PTH2: variants seen among roughly 807,000 people sequenced by gnomAD.
The protein encoded by PTH2 is tuberoinfundibular 39 residue protein.
In PTH2, 5 loss-of-function variants were observed where a neutral mutation model predicts 6.2. That is an observed-to-expected ratio of 0.80 (90% CI 0.42 to 1.69). PTH2 has a LOEUF of 1.69. PTH2 is among the 40% of genes most tolerant of loss of function. The pLI, the probability that PTH2 is intolerant of heterozygous loss-of-function variation, is 0.02. For synonymous variants in PTH2, 67 were observed against 73.6 expected (o/e 0.91, Z 0.46); for missense variants, 156 against 142.5 (o/e 1.09, Z -0.48).
In PTH2 at chr19:49,422,614, C is replaced by G; in HGVS notation, c.157G>C (p.Asp53His). 6.9e-7 allele frequency: 1 copy of G among 1,445,540 alleles called. No individual in the cohort carries two copies. Among genetic ancestry groups the G allele is most frequent in the Non-Finnish European group, 9.0e-7 (1 of 1,106,920 alleles). 89.5% of individuals were successfully genotyped at this position (1,445,540 alleles called of 1,614,324 possible). Residue 53 changes from aspartate (D) to histidine (H), a missense_variant, in exon 2 of 2, where the codon GAT becomes CAT. Physicochemically the swap from Asp to His is moderately conservative, Grantham distance 81. Coordinates refer to ENST00000270631, the MANE Select transcript of PTH2 (RefSeq NM_178449.4). ...SLRPPGRAWA[D>H]PATPRPRRSL... ...CTCCGCGGCCTGGGGGTGGCGGGAT[C>G]CGCCCAGGCCCGTCCTGGGGGGCGG... is the stretch of plus-strand genomic sequence containing the variant.
Position 49,423,416 on chromosome 19 carries a change from C to A in PTH2, c.-77G>T, listed in dbSNP as rs1975040410. On this transcript the variant is annotated 5_prime_UTR_variant, in exon 1 of 2. Coordinates refer to ENST00000270631, the MANE Select transcript of PTH2 (RefSeq NM_178449.4). ...ACCCCGGGCCCCACCATGCATCCAC[C>A]CCCAGCTTCCCGCACAGTCCCCTAC... 2 of 1,504,980 alleles carry A rather than the reference C, an allele frequency of 1.3e-6. No individual in the cohort carries two copies. The highest frequency in any genetic ancestry group is 4.1e-5 in the Admixed American group (2 of 49,280). The allele number at this position is 1,504,980 out of a possible 1,614,324, so 93.2% of individuals were successfully genotyped here.
Position 49,422,442 on chromosome 19 carries a change from T to C in PTH2, c.*26A>G, listed in dbSNP as rs1975025520. 3 of 1,585,168 alleles carry C rather than the reference T, an allele frequency of 1.9e-6. No homozygotes were observed. Among genetic ancestry groups the C allele is most frequent in the Non-Finnish European group, 2.6e-6 (3 of 1,168,940 alleles). ...AGTCCGGAGCGCAGGGCATGGTCTT[T>C]ATTAAGATGGGGACGGGCAGCGCGC... On this transcript the variant is annotated 3_prime_UTR_variant, in exon 2 of 2. Transcript: ENST00000270631.
rs773470040 is a variant in PTH2 at position 49,422,432 on chromosome 19, G to T, written c.*36C>A. On this transcript the variant is annotated 3_prime_UTR_variant, in exon 2 of 2. Coordinates refer to ENST00000270631, the MANE Select transcript of PTH2 (RefSeq NM_178449.4). ...AACTAGGCGCAGTCCGGAGCGCAGG[G>T]CATGGTCTTTATTAAGATGGGGACG... The T allele has an allele frequency of 2.5e-6, 4 of 1,578,184 alleles. No homozygotes were observed. The highest frequency in any genetic ancestry group is 3.4e-6 in the Non-Finnish European group (4 of 1,166,136).
At position 49,423,412 on chromosome 19, in the gene PTH2, C is replaced by G; in HGVS notation, c.-73G>C. The G allele has an allele frequency of 1.3e-6, 2 of 1,511,444 alleles. No individual in the cohort carries two copies. Among genetic ancestry groups the G allele is most frequent in the Middle Eastern group, 2.1e-4 (1 of 4,722 alleles). 93.6% of individuals were successfully genotyped at this position (1,511,444 alleles called of 1,614,324 possible). ...CAGAACCCCGGGCCCCACCATGCAT[C>G]CACCCCCAGCTTCCCGCACAGTCCC... On this transcript the variant is annotated 5_prime_UTR_variant, in exon 1 of 2. Transcript: ENST00000270631.
Position 49,422,561 on chromosome 19 carries a change from GGCC to G in PTH2, c.207_209del (p.Ala70del). 1 of 1,591,612 alleles carries G rather than the reference GGCC, an allele frequency of 6.3e-7. No individual in the cohort carries two copies. The highest frequency in any genetic ancestry group is 8.5e-7 in the Non-Finnish European group (1 of 1,171,650). On this transcript the variant is annotated inframe_deletion, in exon 2 of 2. Transcript: ENST00000270631. ...CCAGCAACCGCGCGCGCTCCCGGAA[GGCC>G]GCGTCGTCCGCCAGCGCCAGGCTCC...
chr19:49,422,561 G>T lies in PTH2; in HGVS notation c.210C>A (p.Ala70=). 6.3e-7 allele frequency: 1 copy of T among 1,591,612 alleles called. No individual in the cohort carries two copies. The highest frequency in any genetic ancestry group is 1.1e-5 in the South Asian group (1 of 89,422). The part of the protein sequence containing the change: ...RRSLALADDA[A]FRERARLLAA... ...CCAGCAACCGCGCGCGCTCCCGGAA[G>T]GCCGCGTCGTCCGCCAGCGCCAGGC... The change falls in exon 2 of 2, where the codon GCC becomes GCA. Residue 70 remains alanine, a synonymous_variant. Coordinates refer to ENST00000270631, the MANE Select transcript of PTH2 (RefSeq NM_178449.4).
chr19:49,422,855 C>T lies in PTH2; in HGVS notation c.129-213G>A, dbSNP rs142012461. On this transcript the variant is annotated intron_variant, in intron 1 of 1. Transcript: ENST00000270631. ...TGAGACCGAGTCTGATGCACTTGTC[C>T]GCCCACAGCGCTCAGCGCATGGCCA... Among the ~76,000 whole-genome samples, 517 of 152,348 alleles carry T rather than the reference C, an allele frequency of 3.4e-3. 3 individuals carry two copies. Among genetic ancestry groups the T allele is most frequent in the Middle Eastern group, 0.031 (9 of 294 alleles).
Position 49,422,439 on chromosome 19 carries a change from C to G in PTH2, c.*29G>C. 6.3e-7 allele frequency: 1 copy of G among 1,584,624 alleles called. No individual in the cohort carries two copies. Among genetic ancestry groups the G allele is most frequent in the Non-Finnish European group, 8.6e-7 (1 of 1,168,722 alleles). On this transcript the variant is annotated 3_prime_UTR_variant, in exon 2 of 2. Coordinates refer to ENST00000270631, the MANE Select transcript of PTH2 (RefSeq NM_178449.4). ...CGCAGTCCGGAGCGCAGGGCATGGT[C>G]TTTATTAAGATGGGGACGGGCAGCG...
At position 49,423,424 on chromosome 19, in the gene PTH2, TC is replaced by T; in HGVS notation, c.-86del. 1 of 1,486,452 alleles carries T rather than the reference TC, an allele frequency of 6.7e-7. No individual in the cohort carries two copies. Among genetic ancestry groups the T allele is most frequent in the South Asian group, 1.3e-5 (1 of 78,216 alleles). 92.1% of individuals were successfully genotyped at this position (1,486,452 alleles called of 1,614,324 possible). On this transcript the variant is annotated 5_prime_UTR_variant, in exon 1 of 2. Transcript: ENST00000270631. ...CCCCACCATGCATCCACCCCCAGCTTCCCGCACAGTCCCCTACCGTGCAGTG... is the reference window on the plus strand; with the variant it reads ...CCCCACCATGCATCCACCCCCAGCTTCCGCACAGTCCCCTACCGTGCAGTG...
At chr19:49,422,736 C>T (rs1275752146) in intron 1 of PTH2, 94 bp from the exon 2 acceptor site, 2 of 1,173,510 alleles carry the variant, frequency 1.7e-6, no homozygotes, top group East Asian at 3.1e-5. Flanking sequence ...ACTGCCCAGT[C>T]CGTGGAGTGG....
In PTH2 at chr19:49,423,208, C is replaced by A. The variant is rs757808225; in HGVS notation, c.128+4G>T. On this transcript the variant is annotated splice_donor_region_variant and intron_variant, in intron 1 of 1. Transcript: ENST00000270631. ...TCCCTGGGAGTTCTGGGACTGGCACCTACCTGAGGACCCCGACCGGGGGCA... is the reference window on the plus strand; with the variant it reads ...TCCCTGGGAGTTCTGGGACTGGCACATACCTGAGGACCCCGACCGGGGGCA... 2 of 1,613,214 alleles carry A rather than the reference C, an allele frequency of 1.2e-6. No individual in the cohort carries two copies. The highest frequency in any genetic ancestry group is 1.7e-6 in the Non-Finnish European group (2 of 1,179,434).
At position 49,422,625 on chromosome 19, in the gene PTH2, C is replaced by T. The variant is rs963765890; in HGVS notation, c.146G>A (p.Arg49Gln). Residue 49 changes from arginine (R) to glutamine (Q), a missense_variant, in exon 2 of 2, where the codon CGG becomes CAG. Physicochemically the swap from Arg to Gln is conservative, Grantham distance 43. Coordinates refer to ENST00000270631, the MANE Select transcript of PTH2 (RefSeq NM_178449.4). ...GGGGGTGGCGGGATCCGCCCAGGCCCGTCCTGGGGGGCGGAGGCTGTGGAG... is the reference window on the plus strand; with the variant it reads ...GGGGGTGGCGGGATCCGCCCAGGCCTGTCCTGGGGGGCGGAGGCTGTGGAG... ...VGVLSLRPPG[R>Q]AWADPATPRP... is the part of the protein sequence containing the mutation. 4.2e-6 allele frequency: 6 copies of T among 1,427,984 alleles called. No individual in the cohort carries two copies. Among genetic ancestry groups the T allele is most frequent in the Middle Eastern group, 2.2e-4 (1 of 4,576 alleles). The allele number at this position is 1,427,984 out of a possible 1,614,324, so 88.5% of individuals were successfully genotyped here.
At position 49,423,294 on chromosome 19, in the gene PTH2, G is replaced by A. The variant is rs1260006904; in HGVS notation, c.46C>T (p.Leu16=). ...VSRSPRVRLL[L]LLLLLLVVPW... Reference sequence around the variant, plus strand: ...ACCACCAGCAGCAGCAGCAGCAGCAGCAGCAGCCGAACCCGAGGGCTCCTG... The same window carrying A: ...ACCACCAGCAGCAGCAGCAGCAGCAACAGCAGCCGAACCCGAGGGCTCCTG... The change falls in exon 1 of 2, where the codon CTG becomes TTG. Residue 16 remains leucine, a synonymous_variant. Coordinates refer to ENST00000270631, the MANE Select transcript of PTH2 (RefSeq NM_178449.4). The A allele has an allele frequency of 6.2e-7, 1 of 1,610,234 alleles. No individual in the cohort carries two copies. The highest frequency in any genetic ancestry group is 1.7e-5 in the Admixed American group (1 of 59,718).
intron 1 of PTH2, among the ~76,000 whole-genome samples, chr19:49,422,873 C>T (rs1251011330): frequency 6.6e-6 from 1 of 152,210 alleles, no homozygotes; most frequent in Non-Finnish European, 1.5e-5. Flanking sequence ...GCGCTCAGCG[C>T]ATGGCCAGGC....
intron 1 of PTH2, 121 bp downstream of exon 1, chr19:49,423,091 G>T: frequency 7.8e-7 from 1 of 1,288,802 alleles, no homozygotes; most frequent in Non-Finnish European, 1.1e-6. Flanking sequence ...GCTGGGTCTC[G>T]GTCGCCCTCT....
Position 49,422,514 on chromosome 19 carries a change from C to G in PTH2, c.257G>C (p.Trp86Ser), listed in dbSNP as rs771380729. 4 of 1,599,716 alleles carry G rather than the reference C, an allele frequency of 2.5e-6. No homozygotes were observed. The highest frequency in any genetic ancestry group is 3.4e-6 in the Non-Finnish European group (4 of 1,174,862). ...CAGCTTGTGCATGTACGAGTTCAGC[C>G]AGTGGCGGCGCTCGAGGGCGGCCAG... ...RLLAALERRH[W>S]LNSYMHKLLV... The change falls in exon 2 of 2, where the codon TGG becomes TCG. Residue 86 changes from tryptophan (W) to serine (S), a missense_variant. Coordinates refer to ENST00000270631, the MANE Select transcript of PTH2 (RefSeq NM_178449.4).
Position 49,423,227 on chromosome 19 carries a change from G to C in PTH2, c.113C>G (p.Pro38Arg), listed in dbSNP as rs772507854. The C allele has an allele frequency of 1.1e-5, 18 of 1,613,354 alleles. No homozygotes were observed. Among genetic ancestry groups the C allele is most frequent in the Admixed American group, 5.0e-5 (3 of 59,960 alleles). The change falls in exon 1 of 2, where the codon CCG (proline) becomes CGG (arginine). Residue 38 changes from proline (P) to arginine (R), a missense_variant. Physicochemically the swap from Pro to Arg is moderately radical, Grantham distance 103. Transcript: ENST00000270631. ...TGGCACCTACCTGAGGACCCCGACC[G>C]GGGGCAGGGCGACTCCCGAGGCAGT... Reference protein sequence around the residue: ...VRTASGVALPPVGVLSLRPPG... With the variant: ...VRTASGVALPRVGVLSLRPPG...
chr19:49,422,769 C>T (rs1975031330), intron 1 of PTH2, 127 bp from the exon 2 acceptor site: 1 of 860,074 alleles, frequency 1.2e-6, no homozygotes, highest in Admixed American at 3.8e-5. Flanking sequence ...CCCCCTGTCT[C>T]TCTCGTTCTC....
chr19:49,423,250 A>T lies in PTH2; in HGVS notation c.90T>A (p.Thr30=). 6.2e-7 allele frequency: 1 copy of T among 1,613,708 alleles called. No individual in the cohort carries two copies. Among genetic ancestry groups the T allele is most frequent in the Non-Finnish European group, 8.5e-7 (1 of 1,179,832 alleles). The part of the protein sequence containing the change: ...LLLVVPWGVR[T]ASGVALPPVG... ...CCGGGGGCAGGGCGACTCCCGAGGC[A>T]GTGCGGACGCCCCAGGGCACCACCA... is the stretch of plus-strand genomic sequence containing the variant. Residue 30 remains threonine (T), a synonymous_variant, in exon 1 of 2, where the codon ACT becomes ACA. Transcript: ENST00000270631.
Sources: gnomAD v4.1 joint callset for allele counts (sites outside exome capture counted in the v4.1 genomes callset) on GRCh38, gnomAD v4.1.1 for gene constraint, MANE v1.5 for transcripts, NCBI Gene and HGNC (gene_info 2026-07-23, HGNC 2026-07-21) for gene names.